The following SAMD8 variants were observed in gnomAD, a reference collection of about 807,000 sequenced individuals.
The protein encoded by SAMD8 is sphingomyelin synthase-related protein 1.
A neutral mutation model predicts 42.0 loss-of-function variants in SAMD8; 20 were observed. That is an observed-to-expected ratio of 0.48 (90% confidence interval 0.34 to 0.69). The LOEUF is 0.69. SAMD8 is among the 30% of genes least tolerant of loss of function. SAMD8 has a pLI of 0.01. For synonymous variants in SAMD8, 162 were observed against 173.0 expected (o/e 0.94, Z 0.50); for missense variants, 328 against 511.6 (o/e 0.64, Z 3.46).
At chr10:75,131,256 TTCTGCTTCTTC>T (rs1418964114) in intron 1 of SAMD8, among the ~76,000 whole-genome samples, 1 of 152,260 alleles carries the variant, frequency 6.6e-6, no homozygotes, top group African/African-American at 2.4e-5. Flanking sequence ...TCCATTCTAA[TTCTGCTTCTTC>T]TCTGCTTCTG....
At chr10:75,117,567 A>T (rs1697113139) in intron 1 of SAMD8, among the ~76,000 whole-genome samples, 1 of 152,134 alleles carries the variant, frequency 6.6e-6, no homozygotes, top group African/African-American at 2.4e-5. Flanking sequence ...GTACAAAAAA[A>T]TTAGCTGGGC....
intron 1 of SAMD8, among the ~76,000 whole-genome samples, chr10:75,121,631 A>G (rs1849007321): frequency 6.6e-6 from 1 of 152,302 alleles, no homozygotes; most frequent in East Asian, 1.9e-4. Context: ...TGCCTCATGC[A>G]TATACTTAGT....
At chr10:75,107,667 C>G (rs1435528684), upstream of SAMD8, among the ~76,000 whole-genome samples, 1 of 152,110 alleles carries the variant, frequency 6.6e-6, no homozygotes, top group Non-Finnish European at 1.5e-5. Context: ...ACCTCCGCCC[C>G]CCATGTTCAA....
At chr10:75,132,624 A>G (rs1340365856) in intron 1 of SAMD8, among the ~76,000 whole-genome samples, 1 of 152,110 alleles carries the variant, frequency 6.6e-6, no homozygotes, top group Non-Finnish European at 1.5e-5. Context: ...TAATAAAAAT[A>G]TAAATAAAGA....
intron 1 of SAMD8, among the ~76,000 whole-genome samples, chr10:75,128,015 A>G (rs1849184320): frequency 6.6e-6 from 1 of 151,930 alleles, no homozygotes; most frequent in Non-Finnish European, 1.5e-5. Flanking sequence ...TTTGAACCTT[A>G]AAACTGTTTT....
At chr10:75,154,325 C>A (rs186562793) in intron 2 of SAMD8, among the ~76,000 whole-genome samples, 69 of 152,348 alleles carry the variant, frequency 4.5e-4, no homozygotes, top group African/African-American at 1.6e-3. Flanking sequence ...ATCCGTGTAT[C>A]TTGTCTCCCC....
At chr10:75,145,142 C>T (rs921304880) in intron 1 of SAMD8, among the ~76,000 whole-genome samples, 2 of 152,044 alleles carry the variant, frequency 1.3e-5, no homozygotes, top group Non-Finnish European at 1.5e-5. Context: ...GGGGACATCT[C>T]CCTTTGTTGC....
At chr10:75,102,429 C>T (rs955250945) in intron 1 of SAMD8, among the ~76,000 whole-genome samples, 5 of 150,686 alleles carry the variant, frequency 3.3e-5, no homozygotes, top group Admixed American at 6.6e-5. Flanking sequence ...GGCGACAGGG[C>T]GAGACTCCGT....
Position 75,114,363 on chromosome 10 carries a change from G to A in SAMD8, c.-16+2641G>A, listed in dbSNP as rs143075220. Among the ~76,000 whole-genome samples the A allele has an allele frequency of 3.2e-3, 481 of 151,690 alleles. 1 individual carries two copies. The highest frequency in any genetic ancestry group is 0.011 in the African/African-American group (438 of 41,294). On this transcript the variant is annotated intron_variant, in intron 1 of 5. Coordinates refer to ENST00000542569, the MANE Select transcript of SAMD8 (RefSeq NM_001174156.2). ...AAAAAAAAAAATCGGTTTCTCTAAG[G>A]CAGAAGAAGCCATCATGACTGCGAT...
At chr10:75,137,109 G>A (rs114802537) in intron 1 of SAMD8, among the ~76,000 whole-genome samples, 3,171 of 152,318 alleles carry the variant, frequency 0.021, 54 homozygotes, top group African/African-American at 0.045. Context: ...GACTTGAACA[G>A]ATATTTGTTT....
rs780218225 is a variant in SAMD8, at chr10:75,176,824, G to C, written c.*132G>C. ...GACAAAGTAAAGTTTTCTGTTCTGAGCAAAGTTATGATTATAAAAAGCAAG... is the reference window on the plus strand; with the variant it reads ...GACAAAGTAAAGTTTTCTGTTCTGACCAAAGTTATGATTATAAAAAGCAAG... On this transcript the variant is annotated 3_prime_UTR_variant, in exon 6 of 6. Transcript: ENST00000542569. This position sits in a 1 kb window ranked among gnomAD's most constrained non-coding sequence, Gnocchi z 4.3. 2.9e-5 allele frequency: 19 copies of C among 654,102 alleles called. No homozygotes were observed. Among genetic ancestry groups the C allele is most frequent in the Admixed American group, 9.8e-5 (3 of 30,614 alleles). The allele number at this position is 654,102 out of a possible 1,614,324, so 40.5% of individuals were successfully genotyped here. A position where few individuals can be genotyped will look rare whatever the true frequency, so the allele number is the denominator to read the frequency against.
intron 3 of SAMD8, chr10:75,168,325 A>G (rs1840742138): frequency 1.9e-6 from 1 of 538,410 alleles, no homozygotes. Flanking sequence ...TCCACATAGT[A>G]TATAAATAGC....
intron 2 of SAMD8, among the ~76,000 whole-genome samples, chr10:75,160,151 G>A (rs949982636): frequency 6.6e-6 from 1 of 152,074 alleles, no homozygotes; most frequent in Non-Finnish European, 1.5e-5. Context: ...ACCATATACA[G>A]TGTAATAATC....
At chr10:75,171,814 C>T (rs555464129) in intron 4 of SAMD8, among the ~76,000 whole-genome samples, 1 of 152,146 alleles carries the variant, frequency 6.6e-6, no homozygotes, top group African/African-American at 2.4e-5. Context: ...CACTTGAGGC[C>T]AGGAGTTCAA....
intron 1 of SAMD8, among the ~76,000 whole-genome samples, chr10:75,106,235 C>T (rs1848501134): frequency 6.6e-6 from 1 of 151,832 alleles, no homozygotes; most frequent in African/African-American, 2.4e-5. Flanking sequence ...AGACACCGCT[C>T]CTGGCCTCCA....
chr10:75,129,131 TC>T (rs1456798418), intron 1 of SAMD8, among the ~76,000 whole-genome samples: 2 of 126,808 alleles, frequency 1.6e-5, no homozygotes, highest in Non-Finnish European at 3.2e-5. Context: ...TTCCTCTTCT[TC>T]TTCTTATTTT....
At chr10:75,113,947 T>G (rs1848823768) in intron 1 of SAMD8, among the ~76,000 whole-genome samples, 1 of 152,218 alleles carries the variant, frequency 6.6e-6, no homozygotes, top group African/African-American at 2.4e-5. Flanking sequence ...AAAGAGAAAC[T>G]GTTAGATGGA....
At chr10:75,160,805 C>A (rs893369843) in intron 2 of SAMD8, among the ~76,000 whole-genome samples, 10 of 152,098 alleles carry the variant, frequency 6.6e-5, no homozygotes, top group African/African-American at 2.2e-4. Flanking sequence ...CAGAAAGTAC[C>A]AAGCATCACT....
At chr10:75,139,285 A>C (rs1173574144) in intron 1 of SAMD8, among the ~76,000 whole-genome samples, 1 of 152,162 alleles carries the variant, frequency 6.6e-6, no homozygotes, top group African/African-American at 2.4e-5. Context: ...GACAAGTACC[A>C]AGCTTTGCAT....
Sources: allele counts gnomAD v4.1 joint callset (sites outside exome capture counted in the v4.1 genomes callset), GRCh38; gene constraint gnomAD v4.1.1; non-coding constraint Gnocchi (gnomAD v3.1); transcripts MANE v1.5; gene names NCBI Gene and HGNC (gene_info 2026-07-23, HGNC 2026-07-21).